Variants in BBS9 observed in about 807,000 individuals in gnomAD.
The protein encoded by BBS9 is protein PTHB1.
In BBS9, 89 loss-of-function variants were observed where a neutral mutation model predicts 117.7. That is an observed-to-expected ratio of 0.76 (90% CI 0.64 to 0.90). The LOEUF is 0.90. Ranked by LOEUF, BBS9 falls within the 40% of genes least tolerant of loss-of-function variation. The pLI, the probability that BBS9 is intolerant of heterozygous loss-of-function variation, is 0.00. For synonymous variants in BBS9, 379 were observed against 370.9 expected (o/e 1.02, Z -0.25); for missense variants, 982 against 1,042.2 (o/e 0.94, Z 0.80).
chr7:33,205,164 C>T (rs1786665722), intron 5 of BBS9, among the ~76,000 whole-genome samples: 1 of 152,170 alleles, frequency 6.6e-6, no homozygotes, highest in Non-Finnish European at 1.5e-5. Context: ...CTCTGCTTAT[C>T]ACCCCTATGT....
chr7:33,428,331 A>G lies in BBS9; in HGVS notation c.2115+40187A>G, dbSNP rs548819109. ...CAATATGCCGAATTCAAATAGTTTT[A>G]AATATTTTATTGTGCTTTTAAAAGT... On this transcript the variant is annotated intron_variant, in intron 19 of 22. Coordinates refer to ENST00000242067, the MANE Select transcript of BBS9 (RefSeq NM_198428.3). Among the ~76,000 whole-genome samples, 10 of 152,260 alleles carry G rather than the reference A, an allele frequency of 6.6e-5. No individual in the cohort carries two copies. The South Asian group carries it at 2.1e-3, about 32-fold the overall frequency.
At chr7:33,317,724 A>G (rs1810827113) in intron 9 of BBS9, among the ~76,000 whole-genome samples, 1 of 152,180 alleles carries the variant, frequency 6.6e-6, no homozygotes, top group Non-Finnish European at 1.5e-5. Context: ...ATCTTTGTCA[A>G]AGATGAATCT....
chr7:33,290,969 G>C (rs1400189391), intron 9 of BBS9, among the ~76,000 whole-genome samples: 1 of 152,034 alleles, frequency 6.6e-6, no homozygotes, highest in Non-Finnish European at 1.5e-5. Flanking sequence ...AGTTATTTAT[G>C]CTAATTTCAG....
chr7:33,203,298 T>C (rs953122470), intron 5 of BBS9, among the ~76,000 whole-genome samples: 13 of 152,220 alleles, frequency 8.5e-5, no homozygotes, highest in African/African-American at 3.1e-4. Context: ...GGGAGGCTTA[T>C]TGAAACACAG....
intron 20 of BBS9, among the ~76,000 whole-genome samples, chr7:33,517,822 CT>C (rs1848022824): frequency 6.6e-6 from 1 of 152,188 alleles, no homozygotes; most frequent in African/African-American, 2.4e-5. Context: ...ATAGGAGTGA[CT>C]GCTCCAAGTA....
At chr7:33,220,949 G>T (rs1790128934) in intron 5 of BBS9, among the ~76,000 whole-genome samples, 1 of 152,202 alleles carries the variant, frequency 6.6e-6, no homozygotes, top group Non-Finnish European at 1.5e-5. Flanking sequence ...TTAAAGCCAT[G>T]TACCTTCTCT....
At chr7:33,614,357 C>G (rs1019427212) in intron 21 of BBS9, among the ~76,000 whole-genome samples, 2 of 152,018 alleles carry the variant, frequency 1.3e-5, no homozygotes, top group Non-Finnish European at 2.9e-5. Flanking sequence ...CCATTACCCA[C>G]CCTCTTTATA....
intron 21 of BBS9, among the ~76,000 whole-genome samples, chr7:33,563,020 A>G (rs909234900): frequency 2.0e-5 from 3 of 152,344 alleles, no homozygotes; most frequent in African/African-American, 7.2e-5. Flanking sequence ...TGTCATGTTG[A>G]TGCAATGGAG....
At chr7:33,475,503 C>T (rs1293969653) in intron 19 of BBS9, among the ~76,000 whole-genome samples, 1 of 152,050 alleles carries the variant, frequency 6.6e-6, no homozygotes, top group African/African-American at 2.4e-5. Context: ...ATATATTTCT[C>T]TATTGTGGGG....
intron 17 of BBS9, among the ~76,000 whole-genome samples, chr7:33,372,614 C>T (rs1301711504): frequency 6.6e-6 from 1 of 152,004 alleles, no homozygotes; most frequent in Non-Finnish European, 1.5e-5. Flanking sequence ...CTGTAGTTTT[C>T]TTCTTTTGTT....
At chr7:33,304,011 T>G (rs1267732286) in intron 9 of BBS9, among the ~76,000 whole-genome samples, 3 of 150,064 alleles carry the variant, frequency 2.0e-5, no homozygotes, top group Non-Finnish European at 4.4e-5. Flanking sequence ...CCGCCCCGTC[T>G]GGGAAGTGAG....
intron 5 of BBS9, 109 bp downstream of exon 5, chr7:33,177,700 G>A: frequency 2.4e-6 from 2 of 828,502 alleles, no homozygotes; most frequent in Non-Finnish European, 4.0e-6. Context: ...AGTTAAAATA[G>A]ACATTTTATT....
intron 19 of BBS9, among the ~76,000 whole-genome samples, chr7:33,395,940 G>A (rs1486798002): frequency 1.3e-5 from 2 of 152,058 alleles, no homozygotes; most frequent in African/African-American, 4.8e-5. Flanking sequence ...TGATGTTGCT[G>A]GGCTTGTTTT....
chr7:33,505,688 G>A, intron 20 of BBS9, 43 bp downstream of exon 20: 2 of 1,602,604 alleles, frequency 1.2e-6, no homozygotes, highest in Non-Finnish European at 8.5e-7. Context: ...CAGCATTATT[G>A]AAGTTTCGGC....
chr7:33,339,204 T>C (rs929591320), intron 10 of BBS9, among the ~76,000 whole-genome samples: 5 of 152,126 alleles, frequency 3.3e-5, no homozygotes, highest in Non-Finnish European at 4.4e-5. Context: ...CGGAGTCATA[T>C]ATTGGTCCTG....
At chr7:33,470,891 A>G (rs894973243) in intron 19 of BBS9, among the ~76,000 whole-genome samples, 6 of 152,150 alleles carry the variant, frequency 3.9e-5, no homozygotes, top group Admixed American at 3.3e-4. Context: ...AGTTTTGAGT[A>G]GGCTTTTCAA....
In BBS9 at chr7:33,349,122, C is replaced by G; in HGVS notation, c.1384C>G (p.Gln462Glu). Residue 462 changes from glutamine to glutamate, a missense_variant, in exon 13 of 23, where the codon CAA becomes GAA. Transcript: ENST00000242067. The stretch of plus-strand genomic sequence containing the variant: ...AAAAGCCAAATTATCAGTCTACGTG[C>G]AACCACCATTAGAATTGACTTGTGA... Reference protein sequence around the residue: ...LQKAKLSVYVQPPLELTCDQF... With the variant: ...LQKAKLSVYVEPPLELTCDQF... 6.2e-7 allele frequency: 1 copy of G among 1,613,446 alleles called. No homozygotes were observed. The highest frequency in any genetic ancestry group is 1.7e-4 in the Middle Eastern group (1 of 6,054).
intron 19 of BBS9, among the ~76,000 whole-genome samples, chr7:33,414,658 A>G (rs1424469555): frequency 6.6e-6 from 1 of 152,220 alleles, no homozygotes; most frequent in African/African-American, 2.4e-5. Flanking sequence ...TAGTGTAGCC[A>G]TGTAAAAATC....
chr7:33,202,005 G>A (rs1173693014), intron 5 of BBS9, among the ~76,000 whole-genome samples: 1 of 152,158 alleles, frequency 6.6e-6, no homozygotes, highest in Non-Finnish European at 1.5e-5. Context: ...CCATAGTTGA[G>A]TGAGTTATTT....
Sources: gnomAD v4.1 joint callset for allele counts (sites outside exome capture counted in the v4.1 genomes callset) on GRCh38, gnomAD v4.1.1 for gene constraint, MANE v1.5 for transcripts, NCBI Gene and HGNC (gene_info 2026-07-23, HGNC 2026-07-21) for gene names.